Variants in STIM1 observed in about 807,000 individuals in gnomAD.
STIM1 encodes the protein stromal interaction molecule 1.
In STIM1, 25 loss-of-function variants were observed where a neutral mutation model predicts 74.7. The observed-to-expected ratio is 0.33, with a 90% CI of 0.24 to 0.47. The LOEUF (loss-of-function observed/expected upper bound fraction) is 0.47, where lower values mean the gene tolerates loss of function less well. Among genes scored for constraint, STIM1 ranks in the 20% least tolerant of loss-of-function variants. The pLI is 1.00. For synonymous variants in STIM1, 328 were observed against 348.8 expected (o/e 0.94, Z 0.66); for missense variants, 728 against 920.8 (o/e 0.79, Z 2.71).
intron 3 of STIM1, among the ~76,000 whole-genome samples, chr11:4,043,297 T>C (rs948818755): frequency 1.1e-4 from 16 of 152,238 alleles, no homozygotes; most frequent in African/African-American, 3.6e-4. Context: ...TGTTCCTTTC[T>C]ATAAAACATA....
chr11:3,902,302 C>T (rs2092368724), intron 1 of STIM1, among the ~76,000 whole-genome samples: 2 of 152,172 alleles, frequency 1.3e-5, no homozygotes, highest in Admixed American at 1.3e-4. Context: ...AGTTTATATA[C>T]TGCAGAAGCT....
chr11:4,002,777 CA>C (rs1234258470), intron 2 of STIM1, among the ~76,000 whole-genome samples: 2 of 148,734 alleles, frequency 1.3e-5, no homozygotes, highest in African/African-American at 4.9e-5. Context: ...AAAAACCCTT[CA>C]AAAAATTAAT....
intron 1 of STIM1, among the ~76,000 whole-genome samples, chr11:3,925,741 T>C (rs2092779944): frequency 6.6e-6 from 1 of 152,216 alleles, no homozygotes; most frequent in Admixed American, 6.5e-5. Flanking sequence ...ATTAATGTAA[T>C]CAATAACAAT....
intron 3 of STIM1, among the ~76,000 whole-genome samples, chr11:4,040,518 C>T (rs1449533909): frequency 4.6e-5 from 7 of 152,230 alleles, no homozygotes; most frequent in Non-Finnish European, 1.0e-4. Context: ...GTTCCCACAG[C>T]CCCTATCTCT....
At chr11:4,091,001 C>T (rs1481956429) in intron 12 of STIM1, among the ~76,000 whole-genome samples, 3 of 151,986 alleles carry the variant, frequency 2.0e-5, no homozygotes, top group African/African-American at 7.3e-5. Context: ...TCTTCCTCTA[C>T]AATTCTACTC....
intron 1 of STIM1, among the ~76,000 whole-genome samples, chr11:3,950,646 GAGA>G (rs1254771824): frequency 6.6e-6 from 1 of 152,024 alleles, no homozygotes. Flanking sequence ...ATTTTTTTGA[GAGA>G]AGGTCTCGCT....
At chr11:4,011,558 T>A (rs192310817) in intron 2 of STIM1, among the ~76,000 whole-genome samples, 150 of 152,334 alleles carry the variant, frequency 9.8e-4, no homozygotes, top group African/African-American at 3.5e-3. Context: ...CTTCACCTAC[T>A]TTTTGATTGG....
intron 3 of STIM1, among the ~76,000 whole-genome samples, chr11:4,042,946 A>ATC (rs2094159906): frequency 6.6e-6 from 1 of 152,188 alleles, no homozygotes; most frequent in Admixed American, 6.5e-5. Flanking sequence ...GGGAGTAGGG[A>ATC]TCTCTCTCTT....
At chr11:4,083,655 A>G in intron 10 of STIM1, 157 bp downstream of exon 10, 5 of 720,626 alleles carry the variant, frequency 6.9e-6, no homozygotes, top group Non-Finnish European at 1.2e-5. Flanking sequence ...TACTCAGGTT[A>G]TTTCTTTATA....
At position 4,086,507 on chromosome 11, in the gene STIM1, G is replaced by A. The variant is rs555016539; in HGVS notation, c.1598G>A (p.Arg533His). The change falls in exon 12 of 13, where the codon CGC (arginine) becomes CAC (histidine). Residue 533 changes from arginine (R) to histidine (H), a missense_variant. Transcript: ENST00000526596. ...APSLQSSVRQRLTEPQHGLGS... is the reference protein window; with the variant it reads ...APSLQSSVRQHLTEPQHGLGS... The stretch of plus-strand genomic sequence containing the variant: ...AGCCTGCAGAGCAGTGTTCGGCAGC[G>A]CCTGACGGAGCCACAGCATGGCCTG... The A allele has an allele frequency of 9.3e-6, 15 of 1,614,000 alleles. No individual in the cohort carries two copies. Among genetic ancestry groups the A allele is most frequent in the Admixed American group, 3.3e-5 (2 of 60,004 alleles).
chr11:3,888,359 A>T (rs923909649), intron 1 of STIM1, among the ~76,000 whole-genome samples: 1 of 152,174 alleles, frequency 6.6e-6, no homozygotes, highest in Non-Finnish European at 1.5e-5. Flanking sequence ...TTGCCAGGAT[A>T]GGTGCTCAGC....
At chr11:3,992,092 T>C (rs1427292774) in intron 2 of STIM1, among the ~76,000 whole-genome samples, 2 of 134,726 alleles carry the variant, frequency 1.5e-5, no homozygotes, top group South Asian at 2.3e-4. Context: ...TTTTTTTGTT[T>C]TTTTTTTTTT....
intron 1 of STIM1, among the ~76,000 whole-genome samples, chr11:3,953,499 C>G (rs556611999): frequency 1.3e-5 from 2 of 152,190 alleles, no homozygotes; most frequent in Non-Finnish European, 2.9e-5. Flanking sequence ...TGATCCAGAT[C>G]ACCCAACTAT....
chr11:4,084,884 C>T (rs1202528437), intron 11 of STIM1, 119 bp downstream of exon 11: 2 of 746,716 alleles, frequency 2.7e-6, no homozygotes, highest in East Asian at 6.4e-5. Flanking sequence ...CCTCTATCCC[C>T]TCAGCACTGT....
chr11:3,949,331 A>G (rs1181052297), intron 1 of STIM1, among the ~76,000 whole-genome samples: 1 of 152,210 alleles, frequency 6.6e-6, no homozygotes, highest in Non-Finnish European at 1.5e-5. Context: ...TATTTATGGA[A>G]CTGAAAGTAA....
At chr11:4,027,723 C>T (rs2094009604) in intron 3 of STIM1, among the ~76,000 whole-genome samples, 1 of 152,016 alleles carries the variant, frequency 6.6e-6, no homozygotes, top group South Asian at 2.1e-4. Context: ...ATCAGATTGG[C>T]GTAGTGTGGA....
chr11:3,905,254 A>T (rs1261585304), intron 1 of STIM1, among the ~76,000 whole-genome samples: 5 of 151,964 alleles, frequency 3.3e-5, no homozygotes, highest in African/African-American at 4.8e-5. Context: ...TGGCTTAGGG[A>T]GTCAGTATGA....
chr11:4,060,846 A>G (rs2094325696), intron 5 of STIM1, among the ~76,000 whole-genome samples: 1 of 152,232 alleles, frequency 6.6e-6, no homozygotes, highest in South Asian at 2.1e-4. Flanking sequence ...GGGGGCACAA[A>G]CTAGGGAGGA....
chr11:3,930,954 A>G (rs2092852421), intron 1 of STIM1, among the ~76,000 whole-genome samples: 1 of 152,202 alleles, frequency 6.6e-6, no homozygotes, highest in African/African-American at 2.4e-5. Flanking sequence ...GTACTGTACT[A>G]GGCCCTGCTA....
Sources: gnomAD v4.1 joint callset for allele counts (sites outside exome capture counted in the v4.1 genomes callset) on GRCh38, gnomAD v4.1.1 for gene constraint, MANE v1.5 for transcripts, NCBI Gene and HGNC (gene_info 2026-07-23, HGNC 2026-07-21) for gene names.